Variants in PRH1 observed in about 807,000 individuals in gnomAD.
PRH1 encodes salivary acidic proline-rich phosphoprotein 1/2.
Under a neutral mutation model 7.9 loss-of-function variants are expected in PRH1, and 7 were observed. The observed-to-expected ratio is 0.89, with a 90% confidence interval of 0.50 to 1.67. The LOEUF (loss-of-function observed/expected upper bound fraction) is 1.67. PRH1 is among the 40% of genes most tolerant of loss of function. The pLI, the probability that PRH1 is intolerant of heterozygous loss-of-function variation, is 0.00. For synonymous variants in PRH1, 45 were observed against 80.8 expected, an observed-to-expected ratio of 0.56 and a Z score of 2.38; for missense variants, 109 against 223.6, an observed-to-expected ratio of 0.49 and a Z score of 3.27.
chr12:11,111,083 A>G (rs112340351), intron 1 of PRH1, among the ~76,000 whole-genome samples: 2,326 of 152,352 alleles, frequency 0.015, 19 homozygotes, highest in South Asian at 0.031. Context: ...TAAAGGAATC[A>G]ACGCAACAAG....
intron 1 of PRH1, among the ~76,000 whole-genome samples, chr12:11,089,132 T>C (rs1175438606): frequency 8.7e-6 from 1 of 115,202 alleles, no homozygotes; most frequent in Non-Finnish European, 2.1e-5. Context: ...TTTCTTAGAT[T>C]CCCTTCACTA....
At chr12:11,027,588 T>C (rs1284784013) in intron 1 of PRH1, among the ~76,000 whole-genome samples, 1 of 152,248 alleles carries the variant, frequency 6.6e-6, no homozygotes, top group Non-Finnish European at 1.5e-5. Context: ...TTTGAGAATA[T>C]TGCTCTGACT....
At chr12:11,147,086 T>C (rs34288418) in intron 1 of PRH1, among the ~76,000 whole-genome samples, 68,969 of 151,800 alleles carry the variant, frequency 0.45, 16,435 homozygotes, top group Non-Finnish European at 0.52. Flanking sequence ...TTCACAATTT[T>C]CACAAAACTT....
At chr12:11,160,207 T>C (rs1194165671) in intron 1 of PRH1, among the ~76,000 whole-genome samples, 1 of 152,216 alleles carries the variant, frequency 6.6e-6, no homozygotes, top group Non-Finnish European at 1.5e-5. Context: ...TTCAGTAACA[T>C]CCTTCTACAT....
intron 1 of PRH1, chr12:11,005,904 AAT>A (rs1401685361): frequency 1.2e-4 from 18 of 152,268 alleles, no homozygotes; most frequent in African/African-American, 4.1e-4. Flanking sequence ...CTTATTAAAA[AAT>A]ATGTATTTTC....
At chr12:11,167,848 A>G (rs534143694) in intron 1 of PRH1, among the ~76,000 whole-genome samples, 2 of 152,296 alleles carry the variant, frequency 1.3e-5, no homozygotes, top group African/African-American at 4.8e-5. Flanking sequence ...CTGCTAACTA[A>G]AAGGAAGTAA....
At chr12:11,063,543 C>T (rs913960093) in intron 1 of PRH1, among the ~76,000 whole-genome samples, 11 of 151,770 alleles carry the variant, frequency 7.2e-5, no homozygotes, top group Admixed American at 5.9e-4. Flanking sequence ...TCCACCAAAC[C>T]CAGCTTAAAA....
intron 1 of PRH1, among the ~76,000 whole-genome samples, chr12:11,145,347 C>A (rs1446906196): frequency 6.6e-6 from 1 of 152,082 alleles, no homozygotes; most frequent in East Asian, 1.9e-4. Context: ...TACATAACAC[C>A]ATGCATGGCT....
intron 1 of PRH1, among the ~76,000 whole-genome samples, chr12:11,154,160 C>T (rs61928595): frequency 0.22 from 33,911 of 151,956 alleles, 3,800 homozygotes; most frequent in Non-Finnish European, 0.24. Context: ...TGGCAGTTTA[C>T]GGATACAATC....
intron 2 of PRH1, among the ~76,000 whole-genome samples, chr12:10,933,970 A>G (rs1010809357): frequency 1.3e-5 from 2 of 152,176 alleles, no homozygotes; most frequent in African/African-American, 4.8e-5. Context: ...CAGGTAAAAA[A>G]GGAAAGGAAG....
intron 1 of PRH1, among the ~76,000 whole-genome samples, chr12:11,103,998 C>T (rs1945333235): frequency 6.6e-6 from 1 of 151,874 alleles, no homozygotes; most frequent in African/African-American, 2.4e-5. Flanking sequence ...TTTAGATGGG[C>T]TTGTGCAACC....
chr12:10,896,137 T>C (rs963090049), intron 2 of PRH1, among the ~76,000 whole-genome samples: 18 of 152,236 alleles, frequency 1.2e-4, no homozygotes, highest in Non-Finnish European at 1.0e-4. Flanking sequence ...CTATTGACTC[T>C]GGTTGTATTT....
chr12:10,996,885 A>G, intron 1 of PRH1: 4 of 1,458,530 alleles, frequency 2.7e-6, no homozygotes, highest in Non-Finnish European at 3.7e-6. Flanking sequence ...GAAATATAAA[A>G]TGTTCCAGAC....
Position 11,007,237 on chromosome 12 carries a change from A to C in PRH1, c.-125-33516T>G, listed in dbSNP as rs147342386. ...ACCACAAGAAGGCCAATACGCCTTA[A>C]AATCAGGTTGCTGCTAACCAATACT... On this transcript the variant is annotated intron_variant, in intron 1 of 3. Coordinates refer to the PRH1 transcript ENST00000539853. 3.2e-4 allele frequency among the ~76,000 whole-genome samples: 49 copies of C among 152,266 alleles called. No individual in the cohort carries two copies. In the East Asian group the frequency reaches 9.1e-3, roughly 28 times the overall value.
rs181647002 is a variant in PRH1, at chr12:11,069,586, C to G, written n.124-22398G>C. Among the ~76,000 whole-genome samples, 15 of 152,302 alleles carry G rather than the reference C, an allele frequency of 9.8e-5. No homozygotes were observed. The East Asian group carries it at 2.9e-3, about 29-fold the overall frequency. On this transcript the variant is annotated intron_variant and non_coding_transcript_variant, in intron 1 of 4. Transcript: ENST00000541977. ...TCAATGTGGCTAATAGAGCATGCAA[C>G]ATGAAGACTAACCTTGGCAACATAG...
At chr12:10,995,543 T>C (rs10845278) in intron 1 of PRH1, among the ~76,000 whole-genome samples, 32,455 of 152,136 alleles carry the variant, frequency 0.21, 4,092 homozygotes, top group Non-Finnish European at 0.27. Context: ...TAATAAAACA[T>C]ATCTTTAAGA....
intron 1 of PRH1, among the ~76,000 whole-genome samples, chr12:11,025,111 C>T (rs191926779): frequency 4.0e-5 from 6 of 151,550 alleles, no homozygotes; most frequent in South Asian, 2.1e-4. Flanking sequence ...CTCCGCCTTC[C>T]GGGTTTAGCC....
intron 1 of PRH1, among the ~76,000 whole-genome samples, chr12:11,057,044 T>C (rs1257814241): frequency 2.0e-5 from 3 of 152,012 alleles, no homozygotes; most frequent in Admixed American, 1.3e-4. Flanking sequence ...TCTCCCTCTG[T>C]TACCCAAGCT....
chr12:10,904,405 C>T (rs10845235), intron 2 of PRH1, among the ~76,000 whole-genome samples: 79,070 of 151,884 alleles, frequency 0.52, 22,395 homozygotes, highest in East Asian at 0.72. Context: ...TTTGACAAAA[C>T]TGACAAAAAT....
Sources: gnomAD v4.1 joint callset for allele counts (sites outside exome capture counted in the v4.1 genomes callset) on GRCh38, gnomAD v4.1.1 for gene constraint, MANE v1.5 for transcripts, NCBI Gene and HGNC (gene_info 2026-07-23, HGNC 2026-07-21) for gene names.